Variants in NCAPG2 observed in about 807,000 individuals in gnomAD.
NCAPG2 encodes non-SMC condensin II complex subunit G2.
NCAPG2 carries 53 observed loss-of-function variants against 141.1 expected under a neutral mutation model. The ratio of observed to expected loss-of-function variants is 0.38; its 90% CI spans 0.30 to 0.47. NCAPG2 has a LOEUF of 0.47. NCAPG2 is among the 20% of genes least tolerant of loss of function. NCAPG2 has a pLI of 0.99. For synonymous variants in NCAPG2, 499 were observed against 490.7 expected (o/e 1.02, Z -0.22); for missense variants, 1,087 against 1,389.0 (o/e 0.78, Z 3.46).
At position 158,701,837 on chromosome 7, in the gene NCAPG2, T is replaced by C. The variant is rs202185557; in HGVS notation, c.63A>G (p.Gln21=). 13 of 1,613,346 alleles carry C rather than the reference T, an allele frequency of 8.1e-6. No individual in the cohort carries two copies. The East Asian group carries it at 2.9e-4, about 36-fold the overall frequency. Residue 21 remains glutamine, a synonymous_variant, in exon 2 of 28, where the codon CAA becomes CAG. Transcript: ENST00000356309. ...VSKELVGEFL[Q]FVQLDKEASD... is the part of the protein sequence containing the mutation. ...TGAAACTTACATCAAGTTGAACAAA[T>C]TGCAAAAACTCTCCAACCAGCTCCT...
At chr7:158,652,818 C>G (rs1831584311) in intron 22 of NCAPG2, among the ~76,000 whole-genome samples, 1 of 152,218 alleles carries the variant, frequency 6.6e-6, no homozygotes, top group African/African-American at 2.4e-5. Context: ...AATTAGAGAA[C>G]AGTGTTGTTG....
intron 15 of NCAPG2, among the ~76,000 whole-genome samples, chr7:158,663,568 G>A (rs1832699203): frequency 6.6e-6 from 1 of 152,230 alleles, no homozygotes; most frequent in South Asian, 2.1e-4. Context: ...AGACCCAGAA[G>A]CACTTGGCTC....
At chr7:158,638,623 C>G (rs1830444042) in intron 27 of NCAPG2, among the ~76,000 whole-genome samples, 1 of 152,258 alleles carries the variant, frequency 6.6e-6, no homozygotes, top group African/African-American at 2.4e-5. Context: ...CAAGAACATA[C>G]AGCAGTTCTA....
intron 7 of NCAPG2, among the ~76,000 whole-genome samples, chr7:158,687,102 C>T (rs900430367): frequency 1.3e-5 from 2 of 152,174 alleles, no homozygotes; most frequent in Non-Finnish European, 2.9e-5. Flanking sequence ...GGCTAAGGTT[C>T]AACTGGAAAC....
intron 8 of NCAPG2, 82 bp from the exon 9 acceptor site, chr7:158,683,468 CAA>C (rs1350930173): frequency 1.1e-6 from 1 of 902,622 alleles, no homozygotes; most frequent in Non-Finnish European, 1.6e-6. Context: ...CATTTGAGTA[CAA>C]AGAGTCTGAC....
intron 22 of NCAPG2, 127 bp from the exon 23 acceptor site, chr7:158,652,607 T>C (rs1351691149): frequency 3.9e-5 from 31 of 794,568 alleles, no homozygotes; most frequent in Non-Finnish European, 5.8e-5. Context: ...TGGTATTTGG[T>C]GAGCCAATAC....
rs1563564394 is a variant in NCAPG2 at position 158,683,298 on chromosome 7, A to G, written c.924+2T>C. 1.3e-6 allele frequency: 2 copies of G among 1,566,460 alleles called. No individual in the cohort carries two copies. The highest frequency in any genetic ancestry group is 1.9e-5 in the Admixed American group (1 of 51,886). On this transcript the variant is annotated splice_donor_variant, in intron 9 of 27. Coordinates refer to ENST00000356309, the MANE Select transcript of NCAPG2 (RefSeq NM_017760.7). LOFTEE classifies it high-confidence loss of function. ...TCAAAAACAATCTGTTCACAATCTT[A>G]CCTCCCGCACTTTGGAATGCACTGG...
chr7:158,640,087 C>T (rs1019642256), intron 27 of NCAPG2: 1 of 149,576 alleles, frequency 6.7e-6, no homozygotes, highest in Non-Finnish European at 1.5e-5. Context: ...AAAACTACAC[C>T]TAGGCATATC....
intron 27 of NCAPG2, among the ~76,000 whole-genome samples, chr7:158,632,742 A>G (rs1829970890): frequency 6.6e-6 from 1 of 152,244 alleles, no homozygotes; most frequent in Non-Finnish European, 1.5e-5. Flanking sequence ...GAAACAGGTC[A>G]AAGGGTACAA....
intron 13 of NCAPG2, chr7:158,667,292 GTCCCTCCTCCACCCTTA>G (rs1833056874): frequency 2.2e-6 from 1 of 453,814 alleles, no homozygotes; most frequent in Non-Finnish European, 2.7e-6. Context: ...GAGACCCTGT[GTCCCTCCTCCACCCTTA>G]GCCGCTACTG....
rs1830010943 is a variant in NCAPG2 at position 158,633,494 on chromosome 7, G to A, written c.3381-1777C>T. Among the ~76,000 whole-genome samples the A allele has an allele frequency of 6.6e-6, 1 of 152,210 alleles. No homozygotes were observed. The highest frequency in any genetic ancestry group is 1.5e-5 in the Non-Finnish European group (1 of 68,048). ...GTGAGGGCACAGCTATGTGGAGGCT[G>A]CCATGCAGCGACACAGGAGACTCTG... On this transcript the variant is annotated intron_variant, in intron 27 of 27. Coordinates refer to ENST00000356309, the MANE Select transcript of NCAPG2 (RefSeq NM_017760.7). The surrounding 1 kb of genome is among the most constrained non-coding windows in gnomAD (Gnocchi z 4.1).
chr7:158,704,569 G>A (rs1035571443), intron 1 of NCAPG2, among the ~76,000 whole-genome samples, 155 bp downstream of exon 1: 3 of 152,202 alleles, frequency 2.0e-5, no homozygotes, highest in African/African-American at 7.2e-5. Flanking sequence ...GTCCAGTTCC[G>A]TCAGAGGCAG....
chr7:158,687,657 G>A (rs1186039333), intron 6 of NCAPG2, among the ~76,000 whole-genome samples: 3 of 152,194 alleles, frequency 2.0e-5, no homozygotes, highest in Non-Finnish European at 2.9e-5. Context: ...CCGAGCAGCC[G>A]CTACACTGAG....
chr7:158,676,290 G>A (rs376797578), intron 11 of NCAPG2, among the ~76,000 whole-genome samples: 3 of 152,152 alleles, frequency 2.0e-5, no homozygotes, highest in Non-Finnish European at 4.4e-5. Flanking sequence ...TGCTGGAAAC[G>A]TCATAGAATA....
At position 158,644,348 on chromosome 7, in the gene NCAPG2, A is replaced by C; in HGVS notation, c.3321T>G (p.Thr1107=). 2 of 1,614,134 alleles carry C rather than the reference A, an allele frequency of 1.2e-6. No homozygotes were observed. Among genetic ancestry groups the C allele is most frequent in the Non-Finnish European group, 1.7e-6 (2 of 1,179,972 alleles). ...KSSKVREVAA[T]VHRKLKTFME... ...TGAATGTCTTTAGTTTTCTGTGAAC[A>C]GTGGCTGCAACCTCCCTCACTTTTG... is the stretch of plus-strand genomic sequence containing the variant. The change falls in exon 27 of 28, where the codon ACT becomes ACG. Residue 1107 remains threonine, a synonymous_variant. Coordinates refer to ENST00000356309, the MANE Select transcript of NCAPG2 (RefSeq NM_017760.7).
intron 17 of NCAPG2, among the ~76,000 whole-genome samples, 190 bp downstream of exon 17, chr7:158,658,148 A>AT (rs1238034252): frequency 4.3e-5 from 6 of 140,432 alleles, no homozygotes; most frequent in East Asian, 4.6e-4. Flanking sequence ...AGAATGATCA[A>AT]TAAAAAAAAA....
intron 19 of NCAPG2, 141 bp from the exon 20 acceptor site, chr7:158,655,596 T>A: frequency 7.7e-6 from 2 of 261,376 alleles, no homozygotes; most frequent in East Asian, 9.8e-5. Context: ...GTCTGCTGAC[T>A]CTGCACCCGG....
chr7:158,698,548 C>T (rs922720429), intron 2 of NCAPG2, among the ~76,000 whole-genome samples: 6 of 152,206 alleles, frequency 3.9e-5, no homozygotes, highest in South Asian at 4.1e-4. Context: ...TAGCCTAGGA[C>T]GGTAGACTGT....
intron 1 of NCAPG2, among the ~76,000 whole-genome samples, chr7:158,702,835 A>C (rs1427408090): frequency 6.6e-6 from 1 of 152,218 alleles, no homozygotes; most frequent in Non-Finnish European, 1.5e-5. Context: ...AAATAAGTTA[A>C]CAGTGAAGTC....
Sources: allele counts gnomAD v4.1 joint callset (sites outside exome capture counted in the v4.1 genomes callset), GRCh38; gene constraint gnomAD v4.1.1; non-coding constraint Gnocchi (gnomAD v3.1); transcripts MANE v1.5; gene names NCBI Gene and HGNC (gene_info 2026-07-23, HGNC 2026-07-21).